CHM: variants seen among roughly 807,000 people sequenced by gnomAD.
CHM encodes the protein CHM Rab escort protein.
In CHM, 10 loss-of-function variants were observed where a neutral mutation model predicts 49.0. That is an observed-to-expected ratio of 0.20 (90% confidence interval 0.13 to 0.35). CHM has a LOEUF of 0.35. Among genes scored for constraint, CHM ranks in the 10% least tolerant of loss-of-function variants. The probability of loss-of-function intolerance (pLI) is 1.00; values close to 1 mark genes in which losing one functional copy is unlikely to be tolerated. For missense variants in CHM, 455 were observed against 478.4 expected, an observed-to-expected ratio of 0.95 and a Z score of 0.46; for synonymous variants, 184 against 167.5, an observed-to-expected ratio of 1.10 and a Z score of -0.76.
At chrX:85,867,166 G>A in intron 14 of CHM, among the ~76,000 whole-genome samples, 1 of 111,654 alleles carries the variant, frequency 9.0e-6, no homozygotes, top group East Asian at 2.8e-4. Flanking sequence ...TATTAGGGAG[G>A]GACTGGTGGG....
chrX:85,919,937 G>A (rs1927676411), intron 8 of CHM, among the ~76,000 whole-genome samples: 1 of 110,203 alleles, frequency 9.1e-6, no homozygotes, highest in Non-Finnish European at 1.9e-5. Flanking sequence ...TTTGTAAGAA[G>A]TGCCACACAA....
In CHM at chrX:86,027,651, T is replaced by G; in HGVS notation, c.50-94A>C. The stretch of plus-strand genomic sequence containing the variant: ...CATGCCATTGCTGTATAGAACAGTT[T>G]AACCACCAAAGAGACCCATCCTTGC... On this transcript the variant is annotated intron_variant, in intron 1 of 14. Coordinates refer to ENST00000357749, the MANE Select transcript of CHM (RefSeq NM_000390.4). 3 of 715,657 alleles carry G rather than the reference T, an allele frequency of 4.2e-6. No individual in the cohort carries two copies. The South Asian group carries it at 7.0e-5, about 17-fold the overall frequency. The allele number at this position is 715,657 out of a possible 1,213,427, so 59.0% of individuals were successfully genotyped here.
intron 9 of CHM, 112 bp downstream of exon 9, chrX:85,911,149 A>ATATATATATATG (rs1926929967): frequency 5.6e-5 from 1 of 17,800 alleles, no homozygotes; most frequent in African/African-American, 3.3e-4. Context: ...ATATATATAT[A>ATATATATATATG]TATATATATA....
chrX:85,920,932 A>G (rs1307798967), intron 8 of CHM, among the ~76,000 whole-genome samples: 1 of 112,166 alleles, frequency 8.9e-6, no homozygotes, highest in East Asian at 2.8e-4. Context: ...ATAATCCCTC[A>G]ACTTCTACAC....
chrX:85,961,417 T>TC (rs1930288853), intron 5 of CHM, among the ~76,000 whole-genome samples: 1 of 43,955 alleles, frequency 2.3e-5, no homozygotes, highest in Non-Finnish European at 3.5e-5. Flanking sequence ...AGACTCTGTC[T>TC]CAAAAAAAAA....
chrX:85,892,619 G>A (rs1386943419), intron 12 of CHM, among the ~76,000 whole-genome samples: 1 of 111,146 alleles, frequency 9.0e-6, no homozygotes, highest in African/African-American at 3.3e-5. Flanking sequence ...ATTTCGGGTA[G>A]GTTTTTACTA....
intron 1 of CHM, among the ~76,000 whole-genome samples, chrX:86,036,741 G>A (rs193280865): frequency 2.3e-3 from 257 of 111,574 alleles, no homozygotes; most frequent in African/African-American, 8.1e-3. Context: ...AATATATAGG[G>A]TCAAATAAAA....
intron 2 of CHM, among the ~76,000 whole-genome samples, chrX:86,025,293 T>G (rs1158095143): frequency 8.9e-6 from 1 of 111,916 alleles, no homozygotes; most frequent in Non-Finnish European, 1.9e-5. Context: ...AGACCTAGGT[T>G]CTTATATTTT....
intron 14 of CHM, among the ~76,000 whole-genome samples, chrX:85,869,619 C>T (rs1445492694): frequency 8.9e-6 from 1 of 111,823 alleles, no homozygotes; most frequent in East Asian, 2.8e-4. Flanking sequence ...AATAGCCAGA[C>T]TCCAGCCCTT....
At chrX:85,865,044 T>C (rs1923599010) in intron 14 of CHM, among the ~76,000 whole-genome samples, 1 of 111,846 alleles carries the variant, frequency 8.9e-6, no homozygotes, top group African/African-American at 3.2e-5. Flanking sequence ...TCTTCAAGGA[T>C]GGCAGTACCT....
At chrX:86,002,193 C>T (rs1205558081) in intron 2 of CHM, among the ~76,000 whole-genome samples, 2 of 112,112 alleles carry the variant, frequency 1.8e-5, no homozygotes, top group East Asian at 2.8e-4. Context: ...TCTCTGAAAG[C>T]TGGAACCTGG....
At chrX:86,004,120 A>C (rs141376675) in intron 2 of CHM, among the ~76,000 whole-genome samples, 5 of 111,097 alleles carry the variant, frequency 4.5e-5, no homozygotes, top group Non-Finnish European at 9.5e-5. Context: ...ACATTCTTAA[A>C]CGAAAGAATT....
intron 4 of CHM, among the ~76,000 whole-genome samples, chrX:85,973,377 C>A (rs756591303): frequency 9.9e-6 from 1 of 100,938 alleles, no homozygotes; most frequent in African/African-American, 3.7e-5. Flanking sequence ...CTAATATACA[C>A]CAACTCTATA....
chrX:85,999,188 T>C (rs1024356085), intron 2 of CHM, among the ~76,000 whole-genome samples: 3 of 111,416 alleles, frequency 2.7e-5, no homozygotes, highest in South Asian at 3.7e-4. Flanking sequence ...AAGATAATAC[T>C]ATTTAGATGA....
intron 8 of CHM, among the ~76,000 whole-genome samples, chrX:85,928,398 C>T (rs764533077): frequency 1.8e-5 from 2 of 110,493 alleles, no homozygotes; most frequent in South Asian, 7.8e-4. Context: ...CAAAAATTAG[C>T]TGGGCATGGT....
At chrX:85,959,107 C>A in intron 5 of CHM, 130 bp from the exon 6 acceptor site, 1 of 828,670 alleles carries the variant, frequency 1.2e-6, no homozygotes, top group Non-Finnish European at 1.7e-6. Context: ...TATTATAATA[C>A]ATAACACAAT....
intron 2 of CHM, among the ~76,000 whole-genome samples, chrX:85,994,438 A>G (rs1042882236): frequency 9.0e-6 from 1 of 111,535 alleles, no homozygotes; most frequent in African/African-American, 3.3e-5. Context: ...ACAAACAGAA[A>G]CAAGAATGGG....
chrX:85,873,252 AAT>A (rs1343389304), intron 13 of CHM, 40 bp from the exon 14 acceptor site: 7 of 991,543 alleles, frequency 7.1e-6, no homozygotes, highest in African/African-American at 5.7e-5. Flanking sequence ...TCTAAAATAC[AAT>A]ATGTTTGTCA....
chrX:85,886,886 T>C (rs1187748014), intron 12 of CHM, among the ~76,000 whole-genome samples: 1 of 108,143 alleles, frequency 9.2e-6, no homozygotes, highest in Non-Finnish European at 1.9e-5. Context: ...TTTATCTCAG[T>C]GTATTTCTTA....
Sources: gnomAD v4.1 joint callset for allele counts (sites outside exome capture counted in the v4.1 genomes callset) on GRCh38, gnomAD v4.1.1 for gene constraint, MANE v1.5 for transcripts, NCBI Gene and HGNC (gene_info 2026-07-23, HGNC 2026-07-21) for gene names.